Variants in KDM2B observed in about 807,000 individuals in gnomAD.
The protein encoded by KDM2B is lysine-specific demethylase 2B.
Under a neutral mutation model 150.0 loss-of-function variants are expected in KDM2B, and 26 were observed. That is an observed-to-expected ratio of 0.17 (90% confidence interval 0.13 to 0.24). The LOEUF is 0.24. Ranked by LOEUF, KDM2B falls within the 10% of genes least tolerant of loss-of-function variation. The pLI, the probability that KDM2B is intolerant of heterozygous loss-of-function variation, is 1.00. For missense variants in KDM2B, 1,265 were observed against 1,816.9 expected (o/e 0.70, Z 5.52); for synonymous variants, 734 against 729.5 (o/e 1.01, Z -0.10).
chr12:121,577,173 C>A, intron 2 of KDM2B, among the ~76,000 whole-genome samples: 1 of 152,124 alleles, frequency 6.6e-6, no homozygotes, highest in Non-Finnish European at 1.5e-5. Context: ...TAAGGATACA[C>A]TTTAGCTCTC....
At chr12:121,464,103 C>T (rs1192477544) in intron 12 of KDM2B, among the ~76,000 whole-genome samples, 5 of 152,084 alleles carry the variant, frequency 3.3e-5, no homozygotes, top group Non-Finnish European at 7.4e-5. Flanking sequence ...TGTGGTGATG[C>T]GTGCCTGTAG....
chr12:121,444,127 T>C lies in KDM2B; in HGVS notation c.2336A>G (p.Asp779Gly). The C allele has an allele frequency of 6.2e-7, 1 of 1,613,332 alleles. No individual in the cohort carries two copies. ...CGGCGGCACCTTCTTCGAGTGCTCA[T>C]CCGACCTGCGCCGGGGCGCCTCCTC... The part of the protein sequence containing the change: ...ECEEAPRRRS[D>G]EHSKKVPPDG... Residue 779 changes from aspartate to glycine, a missense_variant, in exon 16 of 23, where the codon GAT (aspartate) becomes GGT (glycine). By Grantham distance (94) the Asp-to-Gly change is moderately conservative. Around this residue, in one of 11 missense-constraint regions of KDM2B, gnomAD observed 418 missense variants for 402.4 expected, o/e 1.04. Coordinates refer to ENST00000377071, the MANE Select transcript of KDM2B (RefSeq NM_032590.5).
chr12:121,536,171 G>A, intron 6 of KDM2B: 1 of 872,784 alleles, frequency 1.1e-6, no homozygotes, highest in Non-Finnish European at 1.4e-6. Flanking sequence ...GAGGGCTCCT[G>A]GTGCCCCCTC....
intron 12 of KDM2B, among the ~76,000 whole-genome samples, chr12:121,472,122 C>CA (rs1555296005): frequency 6.6e-6 from 1 of 151,794 alleles, no homozygotes; most frequent in African/African-American, 2.4e-5. Flanking sequence ...CACCCTGTCT[C>CA]AAAAAAAAGT....
rs1310895586 is a variant in KDM2B, at chr12:121,520,330, C to T, written c.1047+655G>A. Among the ~76,000 whole-genome samples the T allele has an allele frequency of 2.6e-5, 4 of 152,152 alleles. No homozygotes were observed. Among genetic ancestry groups the T allele is most frequent in the African/African-American group, 9.7e-5 (4 of 41,418 alleles). On this transcript the variant is annotated intron_variant, in intron 9 of 22. Transcript: ENST00000377071. This position sits in a 1 kb window ranked among gnomAD's most constrained non-coding sequence, Gnocchi z 4.5. ...GGACACTTGTGGAGCGAAGGACACA[C>T]ATCAGTTACCTAAGCCTCCGCCCAT...
chr12:121,416,340 A>C, the KDM2B span: 2 of 1,614,096 alleles, frequency 1.2e-6, no homozygotes, highest in Non-Finnish European at 1.7e-6. Context: ...ATAGTTTGTA[A>C]AGCCTGTGGG....
rs1176745682 is a variant in KDM2B at position 121,520,360 on chromosome 12, G to A, written c.1047+625C>T. Among the ~76,000 whole-genome samples, 1 of 152,104 alleles carries A rather than the reference G, an allele frequency of 6.6e-6. No individual in the cohort carries two copies. The highest frequency in any genetic ancestry group is 1.5e-5 in the Non-Finnish European group (1 of 68,022). ...GTTACCTAAGCCTCCGCCCATGTTC[G>A]TAGGACATGGGGTGAGTGAGGGAAA... is the stretch of plus-strand genomic sequence containing the variant. On this transcript the variant is annotated intron_variant, in intron 9 of 22. Coordinates refer to ENST00000377071, the MANE Select transcript of KDM2B (RefSeq NM_032590.5). This position sits in a 1 kb window ranked among gnomAD's most constrained non-coding sequence, Gnocchi z 4.5.
chr12:121,566,394 G>A (rs1411766229), intron 4 of KDM2B, among the ~76,000 whole-genome samples: 1 of 152,146 alleles, frequency 6.6e-6, no homozygotes, highest in African/African-American at 2.4e-5. Flanking sequence ...AGCTGAGGCA[G>A]GCAGGTCACC....
intron 1 of KDM2B, 127 bp from the exon 2 acceptor site, chr12:121,579,073 G>A (rs927487072): frequency 9.8e-7 from 1 of 1,017,516 alleles, no homozygotes; most frequent in Non-Finnish European, 1.4e-6. Context: ...TGCAACCCAA[G>A]CAACTTTGCG....
intron 1 of KDM2B, chr12:121,579,959 AAG>A (rs1891826494): frequency 1.2e-5 from 18 of 1,476,624 alleles, no homozygotes; most frequent in Admixed American, 6.9e-5. Context: ...AAAAAAAAAA[AAG>A]ATCTATCATA....
chr12:121,464,062 T>TAAATAAA (rs1298104669), intron 12 of KDM2B, among the ~76,000 whole-genome samples: 1 of 145,166 alleles, frequency 6.9e-6, no homozygotes, highest in Middle Eastern at 3.2e-3. Context: ...CATCTCTATA[T>TAAATAAA]AAATAAAAAA....
intron 9 of KDM2B, chr12:121,516,596 AC>A (rs1262370205): frequency 1.0e-5 from 13 of 1,246,146 alleles, no homozygotes; most frequent in Admixed American, 2.8e-5. Context: ...GAGTTAACCA[AC>A]GTCAGTCCAA....
intron 11 of KDM2B, among the ~76,000 whole-genome samples, chr12:121,498,013 T>C (rs1402260812): frequency 6.6e-6 from 1 of 152,058 alleles, no homozygotes; most frequent in Non-Finnish European, 1.5e-5. Flanking sequence ...GGAGGATCAC[T>C]TGAACCCAGT....
At position 121,578,952 on chromosome 12, in the gene KDM2B, A is replaced by G. The variant is rs1555317394; in HGVS notation, c.127-6T>C. On this transcript the variant is annotated splice_region_variant and splice_polypyrimidine_tract_variant and intron_variant, in intron 1 of 22. Coordinates refer to ENST00000377071, the MANE Select transcript of KDM2B (RefSeq NM_032590.5). Reference sequence around the variant, plus strand: ...CGCTGGCGGTCAATCGGGCGCTGCGAGGACCCAAACCAGAGAGCCCGGGAC... The same window carrying G: ...CGCTGGCGGTCAATCGGGCGCTGCGGGGACCCAAACCAGAGAGCCCGGGAC... 6.8e-6 allele frequency: 11 copies of G among 1,610,942 alleles called. No homozygotes were observed. Among genetic ancestry groups the G allele is most frequent in the Non-Finnish European group, 8.5e-6 (10 of 1,179,074 alleles).
Position 121,430,523 on chromosome 12 carries a change from C to T in KDM2B, c.3830-54G>A, listed in dbSNP as rs540987624. 4 of 1,394,676 alleles carry T rather than the reference C, an allele frequency of 2.9e-6. No homozygotes were observed. The highest frequency in any genetic ancestry group is 2.3e-5 in the East Asian group (1 of 43,798). The allele number at this position is 1,394,676 out of a possible 1,614,324, so 86.4% of individuals were successfully genotyped here. On this transcript the variant is annotated intron_variant, in intron 22 of 22. Coordinates refer to ENST00000377071, the MANE Select transcript of KDM2B (RefSeq NM_032590.5). This position sits in a 1 kb window ranked among gnomAD's most constrained non-coding sequence, Gnocchi z 4.4. The stretch of plus-strand genomic sequence containing the variant: ...GTGAAGGCCAGGAGCCAGAAGCCCC[C>T]CCGCCGCCAGACCCAGGCACTCAGC...
rs1555308079 is a variant in KDM2B at position 121,532,922 on chromosome 12, G to A, written c.815C>T (p.Ala272Val). The A allele has an allele frequency of 1.9e-6, 3 of 1,614,192 alleles. No homozygotes were observed. Among genetic ancestry groups the A allele is most frequent in the African/African-American group, 1.3e-5 (1 of 75,064 alleles). ...WLIPPTLHNL[A>V]LYEEWVLSGK... ...TGACAGCACCCACTCCTCGTACAGCGCCAAATTGTGCAGCGTTGGAGGAAT... is the reference window on the plus strand; with the variant it reads ...TGACAGCACCCACTCCTCGTACAGCACCAAATTGTGCAGCGTTGGAGGAAT... Residue 272 changes from alanine to valine, a missense_variant, in exon 8 of 23, where the codon GCG becomes GTG. By Grantham distance (64) the Ala-to-Val change is moderately conservative. This residue lies in a region of KDM2B where 214 missense variants were observed against 447.4 expected (regional missense o/e 0.48). Coordinates refer to ENST00000377071, the MANE Select transcript of KDM2B (RefSeq NM_032590.5).
Position 121,439,994 on chromosome 12 carries a change from C to T in KDM2B, c.3692G>A (p.Arg1231Gln), listed in dbSNP as rs782061809. Residue 1231 changes from arginine to glutamine, a missense_variant, in exon 22 of 23, where the codon CGG (arginine) becomes CAG (glutamine). Around this residue, in one of 11 missense-constraint regions of KDM2B, gnomAD observed 251 missense variants for 397.8 expected, o/e 0.63. Coordinates refer to ENST00000377071, the MANE Select transcript of KDM2B (RefSeq NM_032590.5). ...CAGGGGCATGTGGCGGATGATGAGC[C>T]GCAGGGAGGCATCTGTGATGTCCAG... Reference protein sequence around the residue: ...AGLDITDASLRLIIRHMPLLS... With the variant: ...AGLDITDASLQLIIRHMPLLS... The T allele has an allele frequency of 1.7e-5, 28 of 1,613,982 alleles. No homozygotes were observed. The East Asian group carries it at 2.4e-4, about 14-fold the overall frequency.
At chr12:121,502,760 CAAAAAAA>C (rs3080029) in intron 11 of KDM2B, among the ~76,000 whole-genome samples, 1,750 of 45,142 alleles carry the variant, frequency 0.039, 44 homozygotes, top group African/African-American at 0.1. Context: ...CCATCTCTAC[CAAAAAAA>C]AAAAAAAAAA....
At chr12:121,473,800 T>C (rs1555296291) in intron 12 of KDM2B, among the ~76,000 whole-genome samples, 1 of 152,174 alleles carries the variant, frequency 6.6e-6, no homozygotes, top group African/African-American at 2.4e-5. Context: ...ATAGCAGTTT[T>C]ATTCACAATA....
Sources: gnomAD v4.1 joint callset for allele counts (sites outside exome capture counted in the v4.1 genomes callset) on GRCh38, gnomAD v4.1.1 for gene constraint, gnomAD v4.1.1 regional missense constraint, Gnocchi (gnomAD v3.1) non-coding constraint, MANE v1.5 for transcripts, NCBI Gene and HGNC (gene_info 2026-07-23, HGNC 2026-07-21) for gene names.